The following HNRNPUL1 variants were observed in gnomAD, a reference collection of about 807,000 sequenced individuals.
The protein encoded by HNRNPUL1 is heterogeneous nuclear ribonucleoprotein U-like protein 1.
A neutral mutation model predicts 108.5 loss-of-function variants in HNRNPUL1; 14 were observed. The observed-to-expected ratio is 0.13, with a 90% CI of 0.09 to 0.20. HNRNPUL1 has a LOEUF of 0.20. Ranked by LOEUF, HNRNPUL1 falls within the 10% of genes least tolerant of loss-of-function variation. HNRNPUL1 has a pLI of 1.00. For missense variants in HNRNPUL1, 804 were observed against 1,168.3 expected (o/e 0.69, Z 4.55); for synonymous variants, 422 against 445.2 (o/e 0.95, Z 0.66).
At position 41,306,552 on chromosome 19, in the gene HNRNPUL1, C is replaced by T; in HGVS notation, c.2558C>T (p.Thr853Ile). 6.3e-7 allele frequency: 1 copy of T among 1,592,914 alleles called. No individual in the cohort carries two copies. ...TACTCCGGGAACACACAGGGTGGCA[C>T]AAGTACACAGTAGCCAGTGTGACCC... ...GSYSGNTQGG[T>I]STQ The change falls in exon 15 of 15, where the codon ACA (threonine) becomes ATA (isoleucine). Residue 853 changes from threonine (T) to isoleucine (I), a missense_variant. Around this residue, in one of 4 missense-constraint regions of HNRNPUL1, gnomAD observed 294 missense variants for 388.3 expected, o/e 0.76. Coordinates refer to ENST00000392006, the MANE Select transcript of HNRNPUL1 (RefSeq NM_007040.6).
At chr19:41,271,770 C>T (rs530971080) in intron 2 of HNRNPUL1, among the ~76,000 whole-genome samples, 1 of 152,322 alleles carries the variant, frequency 6.6e-6, no homozygotes, top group South Asian at 2.1e-4. Flanking sequence ...CCACAGTACC[C>T]TGTTGAATTC....
rs1197467827 is a variant in HNRNPUL1, at chr19:41,307,524, C to G, written c.*959C>G. The G allele has an allele frequency of 6.6e-6, 1 of 152,574 alleles. No individual in the cohort carries two copies. The highest frequency in any genetic ancestry group is 1.5e-5 in the Non-Finnish European group (1 of 68,040). 9.5% of individuals were successfully genotyped at this position (152,574 alleles called of 1,614,324 possible). ...CCAGGTGCCAGACCCAAAAGCTTTT[C>G]CTACAGTGATACCCTTTATTTTTAC... is the stretch of plus-strand genomic sequence containing the variant. On this transcript the variant is annotated 3_prime_UTR_variant, in exon 15 of 15. Coordinates refer to ENST00000392006, the MANE Select transcript of HNRNPUL1 (RefSeq NM_007040.6).
chr19:41,298,666 A>C (rs1368243063), intron 10 of HNRNPUL1: 1 of 152,204 alleles, frequency 6.6e-6, no homozygotes, highest in Admixed American at 6.5e-5. Flanking sequence ...TCAGCACCTC[A>C]ATTCCAAAGT....
chr19:41,264,042 A>G (rs2034647330), upstream of HNRNPUL1, among the ~76,000 whole-genome samples: 1 of 152,214 alleles, frequency 6.6e-6, no homozygotes, highest in African/African-American at 2.4e-5. Context: ...AGGCCGTGGG[A>G]CACTCATTCT....
chr19:41,285,257 T>C (rs1261527276), intron 7 of HNRNPUL1, among the ~76,000 whole-genome samples: 1 of 152,160 alleles, frequency 6.6e-6, no homozygotes, highest in Non-Finnish European at 1.5e-5. Flanking sequence ...GATATCTGCC[T>C]GAACAGATTT....
upstream of HNRNPUL1, among the ~76,000 whole-genome samples, chr19:41,263,475 C>T (rs1488745052): frequency 6.6e-6 from 1 of 152,144 alleles, no homozygotes; most frequent in Non-Finnish European, 1.5e-5. Context: ...AGCGCCCGTT[C>T]CACGTCAGGT....
At chr19:41,285,407 T>G (rs1022382575) in intron 7 of HNRNPUL1, among the ~76,000 whole-genome samples, 2 of 152,146 alleles carry the variant, frequency 1.3e-5, no homozygotes, top group African/African-American at 4.8e-5. Flanking sequence ...GTATTTTTTG[T>G]AGAGATGGGG....
chr19:41,272,818 C>G (rs1362113339), intron 3 of HNRNPUL1, among the ~76,000 whole-genome samples: 1 of 152,208 alleles, frequency 6.6e-6, no homozygotes, highest in African/African-American at 2.4e-5. Flanking sequence ...CTGCTTTGGT[C>G]ATTTCCCTTC....
At chr19:41,276,498 A>AT (rs1263010149) in intron 5 of HNRNPUL1, 200 bp downstream of exon 5, 5 of 508,182 alleles carry the variant, frequency 9.8e-6, no homozygotes, top group African/African-American at 9.8e-5. Context: ...CCAACCATGC[A>AT]TTGCTTCATC....
chr19:41,274,478 A>G (rs1404571645), intron 4 of HNRNPUL1, among the ~76,000 whole-genome samples: 1 of 152,176 alleles, frequency 6.6e-6, no homozygotes, highest in African/African-American at 2.4e-5. Flanking sequence ...TCAGCTGCTC[A>G]AGTTCCTGGT....
chr19:41,263,085 A>T (rs903186747), upstream of HNRNPUL1: 15 of 149,764 alleles, frequency 1.0e-4, no homozygotes, highest in African/African-American at 3.7e-4. Context: ...AAAGAACTGG[A>T]TGCGTCTGAT....
Position 41,304,196 on chromosome 19 carries a change from A to G in HNRNPUL1, c.2197A>G (p.Ser733Gly). The change falls in exon 13 of 15, where the codon AGC (serine) becomes GGC (glycine). Residue 733 changes from serine to glycine, a missense_variant. Ser to Gly is a moderately conservative substitution (Grantham distance 56). Transcript: ENST00000392006. ...PPGASTYNKN[S>G]NIPGSSANTS... ...AGGGGCCAGCACCTACAATAAGAAC[A>G]GCAACATCCCTGGCTCAAGCGCCAA... 1 of 1,614,068 alleles carries G rather than the reference A, an allele frequency of 6.2e-7. No individual in the cohort carries two copies. Among genetic ancestry groups the G allele is most frequent in the South Asian group, 1.1e-5 (1 of 91,072 alleles).
intron 2 of HNRNPUL1, among the ~76,000 whole-genome samples, chr19:41,270,485 A>G (rs2035160213): frequency 6.6e-6 from 1 of 152,068 alleles, no homozygotes; most frequent in Admixed American, 6.6e-5. Flanking sequence ...TTAATAAAAA[A>G]ATAGACAAAA....
intron 11 of HNRNPUL1, 86 bp from the exon 12 acceptor site, chr19:41,302,579 G>C: frequency 6.6e-7 from 1 of 1,511,464 alleles, no homozygotes; most frequent in Non-Finnish European, 9.2e-7. Flanking sequence ...CTTCTGGAAG[G>C]CCACTCTTCT....
intron 5 of HNRNPUL1, 90 bp downstream of exon 5, chr19:41,276,388 CAA>C: frequency 7.1e-7 from 1 of 1,407,178 alleles, no homozygotes; most frequent in South Asian, 1.4e-5. Context: ...GCTGCAACTG[CAA>C]AAGAGATTGG....
intron 14 of HNRNPUL1, among the ~76,000 whole-genome samples, chr19:41,306,239 G>C (rs548898908): frequency 6.6e-6 from 1 of 152,206 alleles, no homozygotes; most frequent in South Asian, 2.1e-4. Flanking sequence ...AAGGCACTGG[G>C]TTGACAAGCT....
rs1195329824 is a variant in HNRNPUL1 at position 41,294,236 on chromosome 19, G to A, written c.1267-102G>A. On this transcript the variant is annotated intron_variant, in intron 8 of 14. Transcript: ENST00000392006. The surrounding 1 kb of genome is among the most constrained non-coding windows in gnomAD (Gnocchi z 4.3). Reference sequence around the variant, plus strand: ...GTATTACTGCTTCCGCTTTGTAGAGGCAGCCACAGCTCAGAGGTCCAGAGT... The same window carrying A: ...GTATTACTGCTTCCGCTTTGTAGAGACAGCCACAGCTCAGAGGTCCAGAGT... 8 of 1,342,388 alleles carry A rather than the reference G, an allele frequency of 6.0e-6. No homozygotes were observed. In the East Asian group the frequency reaches 9.3e-5, roughly 16 times the overall value. The allele number at this position is 1,342,388 out of a possible 1,614,324, so 83.2% of individuals were successfully genotyped here. A position where few individuals can be genotyped will look rare whatever the true frequency, so the allele number is the denominator to read the frequency against.
intron 13 of HNRNPUL1, among the ~76,000 whole-genome samples, chr19:41,305,386 TATAAAA>T (rs926411371): frequency 4.6e-5 from 7 of 152,202 alleles, no homozygotes. Flanking sequence ...ATTCTCATTT[TATAAAA>T]AAGAAAACTG....
chr19:41,276,541 G>C lies in HNRNPUL1; in HGVS notation c.786+243G>C, dbSNP rs181245835. The C allele has an allele frequency of 1.2e-4, 50 of 405,450 alleles. No individual in the cohort carries two copies. In the East Asian group the frequency reaches 2.0e-3, roughly 16 times the overall value. 25.1% of individuals were successfully genotyped at this position (405,450 alleles called of 1,614,324 possible). A position where few individuals can be genotyped will look rare whatever the true frequency, so the allele number is the denominator to read the frequency against. ...TATTTCCTTGGTGAGATTTGACCCA[G>C]GTATTATGTAGTCAACCAGTGTAGT... On this transcript the variant is annotated intron_variant, in intron 5 of 14. Transcript: ENST00000392006.
Sources: gnomAD v4.1 joint callset for allele counts (sites outside exome capture counted in the v4.1 genomes callset) on GRCh38, gnomAD v4.1.1 for gene constraint, gnomAD v4.1.1 regional missense constraint, Gnocchi (gnomAD v3.1) non-coding constraint, MANE v1.5 for transcripts, NCBI Gene and HGNC (gene_info 2026-07-23, HGNC 2026-07-21) for gene names.